FGF12: variants seen among roughly 807,000 people sequenced by gnomAD.
The protein encoded by FGF12 is fibroblast growth factor 12B.
A neutral mutation model predicts 23.6 loss-of-function variants in FGF12; 14 were observed. The observed-to-expected ratio is 0.59, with a 90% confidence interval of 0.39 to 0.93. FGF12 has a LOEUF of 0.93. FGF12 is among the 40% of genes least tolerant of loss of function. FGF12 has a pLI of 0.00. For synonymous variants in FGF12, 62 were observed against 77.3 expected, an observed-to-expected ratio of 0.80 and a Z score of 1.04; for missense variants, 175 against 217.8, an observed-to-expected ratio of 0.80 and a Z score of 1.24.
At chr3:192,315,174 T>C (rs1560066014) in intron 4 of FGF12, among the ~76,000 whole-genome samples, 1 of 152,230 alleles carries the variant, frequency 6.6e-6, no homozygotes, top group Non-Finnish European at 1.5e-5. Context: ...GACTGTGGGC[T>C]TGTGGAGCAT....
intron 2 of FGF12, among the ~76,000 whole-genome samples, chr3:192,384,214 T>A (rs1334123600): frequency 6.6e-6 from 1 of 152,058 alleles, no homozygotes; most frequent in South Asian, 2.1e-4. Flanking sequence ...TAGAAAAAGA[T>A]GAGGTAGAAG....
At chr3:192,179,763 C>T (rs780240515) in intron 4 of FGF12, among the ~76,000 whole-genome samples, 1 of 151,972 alleles carries the variant, frequency 6.6e-6, no homozygotes, top group East Asian at 1.9e-4. Flanking sequence ...CCAGGTTGGT[C>T]TCGAACTCCT....
chr3:192,657,976 T>TG (rs11375999), intron 2 of FGF12, among the ~76,000 whole-genome samples: 81,341 of 150,924 alleles, frequency 0.54, 22,507 homozygotes, highest in East Asian at 0.67. Flanking sequence ...CGAGACTATT[T>TG]GGGTTTTTTT....
At chr3:192,413,536 TAA>T (rs1721261416) in intron 2 of FGF12, among the ~76,000 whole-genome samples, 1 of 152,222 alleles carries the variant, frequency 6.6e-6, no homozygotes, top group African/African-American at 2.4e-5. Context: ...AATCTCCATT[TAA>T]ATTAAGTCCC....
chr3:192,309,665 G>A (rs1373916398), intron 4 of FGF12, among the ~76,000 whole-genome samples: 4 of 152,118 alleles, frequency 2.6e-5, no homozygotes, highest in South Asian at 2.1e-4. Context: ...TCTTAAAGAA[G>A]AAACAGGACA....
chr3:192,441,466 G>A (rs950638128), intron 2 of FGF12, among the ~76,000 whole-genome samples: 2 of 152,022 alleles, frequency 1.3e-5, no homozygotes, highest in African/African-American at 4.8e-5. Context: ...TCCCTGTAAC[G>A]CCTCTCCCAG....
intron 4 of FGF12, among the ~76,000 whole-genome samples, chr3:192,318,682 T>A (rs113288503): frequency 7.2e-5 from 11 of 152,002 alleles, no homozygotes; most frequent in African/African-American, 2.4e-4. Flanking sequence ...AAAAGAATAA[T>A]AACAGAGAAC....
intron 5 of FGF12, among the ~76,000 whole-genome samples, chr3:192,169,846 AC>A (rs1303993537): frequency 6.6e-6 from 1 of 150,856 alleles, no homozygotes; most frequent in Non-Finnish European, 1.5e-5. Context: ...AAAAAAAAAA[AC>A]AAAAAAGTTT....
chr3:192,617,062 T>G (rs1317927913), intron 2 of FGF12, among the ~76,000 whole-genome samples: 2 of 151,970 alleles, frequency 1.3e-5, no homozygotes, highest in African/African-American at 4.8e-5. Context: ...AAGAAGTTTT[T>G]GGAAGGTATG....
At chr3:192,533,748 C>A (rs998242593) in intron 2 of FGF12, among the ~76,000 whole-genome samples, 4 of 152,244 alleles carry the variant, frequency 2.6e-5, no homozygotes, top group East Asian at 3.9e-4. Context: ...AGAAGCGACC[C>A]CATTTTTCTC....
chr3:192,239,144 G>C (rs1412128255), intron 4 of FGF12, among the ~76,000 whole-genome samples: 3 of 152,180 alleles, frequency 2.0e-5, no homozygotes, highest in Middle Eastern at 3.4e-3. Flanking sequence ...AATATAAATT[G>C]AGCCCAAAAA....
chr3:192,296,667 A>G (rs1427731053), intron 4 of FGF12, among the ~76,000 whole-genome samples: 1 of 152,218 alleles, frequency 6.6e-6, no homozygotes, highest in African/African-American at 2.4e-5. Flanking sequence ...AGGTCTTCAT[A>G]AGAAATGAAA....
chr3:192,722,892 A>G (rs554639343), intron 2 of FGF12, among the ~76,000 whole-genome samples: 12 of 152,344 alleles, frequency 7.9e-5, no homozygotes, highest in Non-Finnish European at 1.3e-4. Flanking sequence ...AAATAAGCAC[A>G]TTGGGTACAT....
At chr3:192,239,291 G>A (rs1312022647) in intron 4 of FGF12, among the ~76,000 whole-genome samples, 1 of 152,150 alleles carries the variant, frequency 6.6e-6, no homozygotes, top group Admixed American at 6.5e-5. Context: ...CATTTTGTTT[G>A]CATTGATGTT....
rs1386475160 is a variant in FGF12 at position 192,408,477 on chromosome 3, G to T, written c.14-47939C>A. On this transcript the variant is annotated intron_variant, in intron 2 of 5. Coordinates refer to ENST00000445105, the MANE Select transcript of FGF12 (RefSeq NM_004113.6). This position sits in a 1 kb window ranked among gnomAD's most constrained non-coding sequence, Gnocchi z 7.3. ...TGGCGGCCGGGGGGCGGGGCGGGGC[G>T]GTCCCAGGCCCTCTTGCGAAGTAGA... 7.4e-6 allele frequency: 10 copies of T among 1,344,918 alleles called. No homozygotes were observed. The highest frequency in any genetic ancestry group is 7.6e-6 in the Non-Finnish European group (8 of 1,051,942). 83.3% of individuals were successfully genotyped at this position (1,344,918 alleles called of 1,614,324 possible). A position where few individuals can be genotyped will look rare whatever the true frequency, so the allele number is the denominator to read the frequency against.
chr3:192,379,593 G>A (rs1576929444), intron 2 of FGF12, among the ~76,000 whole-genome samples: 2 of 152,184 alleles, frequency 1.3e-5, no homozygotes, highest in Non-Finnish European at 1.5e-5. Context: ...CTATTTCCCA[G>A]AATGACATCG....
chr3:192,463,681 G>A (rs967705366), intron 2 of FGF12, among the ~76,000 whole-genome samples: 4 of 152,102 alleles, frequency 2.6e-5, no homozygotes, highest in African/African-American at 4.8e-5. Flanking sequence ...GGGTGCTTTC[G>A]GAACTCTGCT....
At chr3:192,706,544 A>G (rs1245511509) in intron 2 of FGF12, among the ~76,000 whole-genome samples, 1 of 152,248 alleles carries the variant, frequency 6.6e-6, no homozygotes, top group South Asian at 2.1e-4. Flanking sequence ...CTGACCAAGC[A>G]GAAACAATTG....
chr3:192,337,719 G>C (rs766642987), intron 3 of FGF12, among the ~76,000 whole-genome samples: 18 of 152,100 alleles, frequency 1.2e-4, no homozygotes, highest in Admixed American at 9.2e-4. Context: ...AGAACCAAAT[G>C]CATTGTCATG....
Sources: allele counts gnomAD v4.1 joint callset (sites outside exome capture counted in the v4.1 genomes callset), GRCh38; gene constraint gnomAD v4.1.1; non-coding constraint Gnocchi (gnomAD v3.1); transcripts MANE v1.5; gene names NCBI Gene and HGNC (gene_info 2026-07-23, HGNC 2026-07-21).